PHLDB2: variants seen among roughly 807,000 people sequenced by gnomAD.
PHLDB2 encodes the protein pleckstrin homology like domain family B member 2, also known as pleckstrin homology-like domain family B member 2.
PHLDB2 carries 71 observed loss-of-function variants against 123.6 expected under a neutral mutation model. That is an observed-to-expected ratio of 0.57 (90% CI 0.47 to 0.70). The LOEUF (loss-of-function observed/expected upper bound fraction) is 0.70. PHLDB2 is among the 30% of genes least tolerant of loss of function. The pLI is 0.00. For synonymous variants in PHLDB2, 547 were observed against 541.6 expected (o/e 1.01, Z -0.14); for missense variants, 1,446 against 1,519.5 (o/e 0.95, Z 0.80).
intron 1 of PHLDB2, among the ~76,000 whole-genome samples, chr3:111,808,359 A>T (rs1424568876): frequency 6.6e-6 from 1 of 152,180 alleles, no homozygotes; most frequent in Non-Finnish European, 1.5e-5. Context: ...GCAATCAAAC[A>T]TAAGGGCTTT....
At chr3:111,820,254 G>A (rs998279651) in intron 1 of PHLDB2, among the ~76,000 whole-genome samples, 13 of 152,154 alleles carry the variant, frequency 8.5e-5, no homozygotes, top group Non-Finnish European at 1.8e-4. Flanking sequence ...ACAAATGAAT[G>A]TCTGCATACT....
chr3:111,903,660 T>C (rs2067327553), intron 2 of PHLDB2, among the ~76,000 whole-genome samples: 1 of 152,206 alleles, frequency 6.6e-6, no homozygotes, highest in African/African-American at 2.4e-5. Context: ...AAGATAATTA[T>C]CTAGTTCACT....
At chr3:111,765,064 G>T (rs2060057149) in intron 1 of PHLDB2, among the ~76,000 whole-genome samples, 1 of 152,166 alleles carries the variant, frequency 6.6e-6, no homozygotes, top group Non-Finnish European at 1.5e-5. Context: ...GTTTGCCTTT[G>T]TTAATAGGGC....
At chr3:111,752,252 G>GTGTC in intron 1 of PHLDB2, among the ~76,000 whole-genome samples, 1 of 144,192 alleles carries the variant, frequency 6.9e-6, no homozygotes, top group African/African-American at 2.5e-5. Flanking sequence ...CTGTGTCTGT[G>GTGTC]TGTGTGTGTG....
chr3:111,737,773 G>A (rs1393306825), intron 1 of PHLDB2, among the ~76,000 whole-genome samples: 1 of 151,860 alleles, frequency 6.6e-6, no homozygotes, highest in African/African-American at 2.4e-5. Flanking sequence ...TGTCATCACT[G>A]GGTTGATGTT....
chr3:111,779,785 C>A, intron 1 of PHLDB2: 1 of 879,454 alleles, frequency 1.1e-6, no homozygotes, highest in Non-Finnish European at 1.4e-6. Context: ...AAAATCTATA[C>A]TCTTAAGAGG....
chr3:111,868,932 C>T (rs750119367), intron 1 of PHLDB2, among the ~76,000 whole-genome samples: 1 of 152,172 alleles, frequency 6.6e-6, no homozygotes, highest in Admixed American at 6.5e-5. Context: ...ACAGACTAGT[C>T]TTACTCAAGG....
At chr3:111,739,585 AAACAAAACAAACAAAAAAAAAAAAC>A (rs2059565669) in intron 1 of PHLDB2, among the ~76,000 whole-genome samples, 1 of 71,288 alleles carries the variant, frequency 1.4e-5, no homozygotes, top group African/African-American at 3.8e-5. Context: ...AAAAAAAAAA[AAACAAAACAAACAAAAAAAAAAAAC>A]AATGGTCACA....
At chr3:111,850,592 C>G (rs2064206256) in intron 2 of PHLDB2, among the ~76,000 whole-genome samples, 1 of 151,970 alleles carries the variant, frequency 6.6e-6, no homozygotes, top group South Asian at 2.1e-4. Context: ...GTAGCAAGAT[C>G]CCATCTCTAC....
chr3:111,799,941 T>C (rs1379775145), intron 1 of PHLDB2, among the ~76,000 whole-genome samples: 1 of 152,118 alleles, frequency 6.6e-6, no homozygotes, highest in African/African-American at 2.4e-5. Context: ...ATAAATAGAA[T>C]CCTATTTGTG....
intron 1 of PHLDB2, among the ~76,000 whole-genome samples, chr3:111,860,416 G>T (rs1318872685): frequency 2.0e-5 from 3 of 152,238 alleles, no homozygotes; most frequent in African/African-American, 4.8e-5. Flanking sequence ...CAGCTGGAAG[G>T]CTTGGGGAGT....
chr3:111,832,584 T>C (rs1031362040), intron 1 of PHLDB2, among the ~76,000 whole-genome samples: 3 of 146,066 alleles, frequency 2.1e-5, no homozygotes, highest in African/African-American at 7.5e-5. Flanking sequence ...TGCCATTATA[T>C]ATGTAATATT....
chr3:111,822,281 C>G (rs898633485), intron 1 of PHLDB2, among the ~76,000 whole-genome samples: 1 of 127,818 alleles, frequency 7.8e-6, no homozygotes, highest in African/African-American at 3.4e-5. Context: ...CTCTCTGTCT[C>G]TCTATCTTTA....
chr3:111,869,267 G>T (rs1412523270), intron 1 of PHLDB2, among the ~76,000 whole-genome samples: 1 of 152,030 alleles, frequency 6.6e-6, no homozygotes, highest in Non-Finnish European at 1.5e-5. Context: ...GAAGAAGCTG[G>T]AACTTCTTTC....
chr3:111,887,094 A>G (rs2066213294), intron 2 of PHLDB2, among the ~76,000 whole-genome samples: 1 of 152,180 alleles, frequency 6.6e-6, no homozygotes, highest in Non-Finnish European at 1.5e-5. Context: ...CAAATTCAAG[A>G]AATTCATCTC....
intron 1 of PHLDB2, among the ~76,000 whole-genome samples, chr3:111,807,196 A>G (rs916440785): frequency 7.2e-5 from 11 of 152,120 alleles, no homozygotes; most frequent in Non-Finnish European, 1.6e-4. Context: ...CAATGAGGAT[A>G]ATAATGTCTA....
chr3:111,960,180 G>A, intron 12 of PHLDB2: 5 of 875,674 alleles, frequency 5.7e-6, no homozygotes, highest in Non-Finnish European at 6.8e-6. Context: ...AAGTATCAAA[G>A]GTAAATATTT....
intron 1 of PHLDB2, among the ~76,000 whole-genome samples, chr3:111,839,131 G>T (rs57222863): frequency 1.2e-3 from 182 of 152,248 alleles, no homozygotes; most frequent in African/African-American, 4.3e-3. Flanking sequence ...GGTACTGAGA[G>T]GGTGCAAGTG....
chr3:111,745,079 T>C (rs1034710507), intron 1 of PHLDB2, among the ~76,000 whole-genome samples: 4 of 152,194 alleles, frequency 2.6e-5, no homozygotes, highest in Non-Finnish European at 5.9e-5. Flanking sequence ...AATAAATTGC[T>C]GGAAGACAGA....
Sources: gnomAD v4.1 joint callset for allele counts (sites outside exome capture counted in the v4.1 genomes callset) on GRCh38, gnomAD v4.1.1 for gene constraint, MANE v1.5 for transcripts, NCBI Gene and HGNC (gene_info 2026-07-23, HGNC 2026-07-21) for gene names.